The following BRD10 variants were observed in gnomAD, a reference collection of about 807,000 sequenced individuals.
BRD10 encodes the protein uncharacterized bromodomain-containing protein 10.
chr9:5,893,733 G>T, the BRD10 span, among the ~76,000 whole-genome samples: 1 of 152,052 alleles, frequency 6.6e-6, no homozygotes, highest in Non-Finnish European at 1.5e-5. Context: ...AGAGTTCAAG[G>T]CCTGTTCGTT....
chr9:5,949,434 T>C, the BRD10 span, among the ~76,000 whole-genome samples: 4 of 152,338 alleles, frequency 2.6e-5, no homozygotes, highest in African/African-American at 9.6e-5. Context: ...TTTGTTATGT[T>C]GCAGTACTTT....
chr9:5,898,511 T>C, the BRD10 span, among the ~76,000 whole-genome samples: 1 of 152,180 alleles, frequency 6.6e-6, no homozygotes, highest in African/African-American at 2.4e-5. Context: ...AATACACGAA[T>C]TTTGGGGGAC....
chr9:5,947,192 A>C, the BRD10 span, among the ~76,000 whole-genome samples: 1 of 152,136 alleles, frequency 6.6e-6, no homozygotes, highest in East Asian at 1.9e-4. Context: ...ACTGTACTAA[A>C]TTAGTACTTT....
At chr9:5,921,584 T>C in the BRD10 span, 3 of 1,613,864 alleles carry the variant, frequency 1.9e-6, no homozygotes, top group African/African-American at 4.0e-5. Flanking sequence ...CATAAGTTTC[T>C]GAACTGGAGT....
At chr9:5,968,563 A>G in the BRD10 span, 1 of 1,613,896 alleles carries the variant, frequency 6.2e-7, no homozygotes, top group Admixed American at 1.7e-5. Flanking sequence ...AGATGTCATG[A>G]TTATCCAAGA....
chr9:5,922,277 G>C, the BRD10 span: 4 of 1,613,846 alleles, frequency 2.5e-6, no homozygotes, highest in African/African-American at 5.3e-5. Flanking sequence ...ATTTAGTGTT[G>C]TTGTTGATGA....
the BRD10 span, chr9:5,921,490 A>T: frequency 4.3e-6 from 7 of 1,613,982 alleles, no homozygotes; most frequent in South Asian, 6.6e-5. Context: ...ATTTCTGGGC[A>T]GAAACACCTG....
the BRD10 span, among the ~76,000 whole-genome samples, chr9:5,981,000 T>C: frequency 6.6e-6 from 1 of 152,232 alleles, no homozygotes; most frequent in Non-Finnish European, 1.5e-5. Context: ...TCAAAGTCCC[T>C]TCCCTATCTA....
At chr9:5,964,108 G>T in the BRD10 span, among the ~76,000 whole-genome samples, 1 of 151,902 alleles carries the variant, frequency 6.6e-6, no homozygotes, top group African/African-American at 2.4e-5. Context: ...TACCATCAGA[G>T]TGAACAGGCA....
At chr9:5,973,924 T>C in the BRD10 span, among the ~76,000 whole-genome samples, 17 of 152,014 alleles carry the variant, frequency 1.1e-4, no homozygotes, top group South Asian at 4.2e-4. Context: ...AAAAAACAAA[T>C]TGTAGCTTCA....
At chr9:6,007,739 C>A in the BRD10 span, 1 of 1,598,262 alleles carries the variant, frequency 6.3e-7, no homozygotes, top group Non-Finnish European at 8.5e-7. Context: ...GGCGGCCGCT[C>A]TTCCTCCCCA....
chr9:5,968,677 A>G, the BRD10 span: 2 of 1,613,866 alleles, frequency 1.2e-6, no homozygotes, highest in African/African-American at 1.3e-5. Flanking sequence ...CATTACTTGT[A>G]CTAACATAGT....
chr9:6,000,408 T>A, the BRD10 span, among the ~76,000 whole-genome samples: 3 of 152,162 alleles, frequency 2.0e-5, no homozygotes, highest in African/African-American at 7.2e-5. Flanking sequence ...TGGGCAACTC[T>A]CATCTTACAG....
chr9:5,995,212 C>A, the BRD10 span, among the ~76,000 whole-genome samples: 1 of 152,178 alleles, frequency 6.6e-6, no homozygotes, highest in African/African-American at 2.4e-5. Context: ...AATGCTACCA[C>A]TATTCAAAAG....
chr9:5,942,252 T>A, the BRD10 span, among the ~76,000 whole-genome samples: 29 of 152,180 alleles, frequency 1.9e-4, no homozygotes, highest in African/African-American at 7.0e-4. Flanking sequence ...CCTCAAGTCA[T>A]AAAGAAAAGG....
chr9:5,922,514 G>C, the BRD10 span: 2 of 1,614,006 alleles, frequency 1.2e-6, no homozygotes, highest in Non-Finnish European at 1.7e-6. Context: ...TAGTTGGGTA[G>C]AAACAGTTCC....
At chr9:5,926,592 C>G in the BRD10 span, among the ~76,000 whole-genome samples, 2 of 151,970 alleles carry the variant, frequency 1.3e-5, no homozygotes, top group Non-Finnish European at 2.9e-5. Context: ...AGTGCAGTGG[C>G]GCGATCACAG....
the BRD10 span, among the ~76,000 whole-genome samples, chr9:5,933,017 T>C: frequency 1.3e-5 from 2 of 152,114 alleles, no homozygotes; most frequent in Non-Finnish European, 2.9e-5. Flanking sequence ...GTGGATGTAA[T>C]AAAAATCAGA....
the BRD10 span, among the ~76,000 whole-genome samples, chr9:5,955,449 T>C: frequency 6.6e-6 from 1 of 152,216 alleles, no homozygotes; most frequent in Non-Finnish European, 1.5e-5. Flanking sequence ...ATCCTAATGC[T>C]CCTTTCCAAA....
Sources: gnomAD v4.1 joint callset for allele counts (sites outside exome capture counted in the v4.1 genomes callset) on GRCh38, gnomAD v4.1.1 for gene constraint, MANE v1.5 for transcripts, NCBI Gene and HGNC (gene_info 2026-07-23, HGNC 2026-07-21) for gene names.